The following MYO16 variants were observed in gnomAD, a reference collection of about 807,000 sequenced individuals.
The protein encoded by MYO16 is unconventional myosin-XVI.
Under a neutral mutation model 205.3 loss-of-function variants are expected in MYO16, and 94 were observed. The observed-to-expected ratio is 0.46, with a 90% CI of 0.39 to 0.54. The LOEUF (loss-of-function observed/expected upper bound fraction) is 0.54, where lower values mean the gene tolerates loss of function less well. Among genes scored for constraint, MYO16 ranks in the 20% least tolerant of loss-of-function variants. The pLI is 0.00. For missense variants in MYO16, 2,315 were observed against 2,387.5 expected, an observed-to-expected ratio of 0.97 and a Z score of 0.63; for synonymous variants, 988 against 954.0, an observed-to-expected ratio of 1.04 and a Z score of -0.66.
At chr13:108,818,287 G>T (rs1201177896) in intron 7 of MYO16, among the ~76,000 whole-genome samples, 1 of 151,890 alleles carries the variant, frequency 6.6e-6, no homozygotes, top group East Asian at 1.9e-4. Context: ...TGGAGGCTGA[G>T]ACATGAGAAT....
At chr13:108,737,038 CT>C (rs1271323332) in intron 4 of MYO16, among the ~76,000 whole-genome samples, 1 of 152,170 alleles carries the variant, frequency 6.6e-6, no homozygotes, top group African/African-American at 2.4e-5. Context: ...AGATTTTGGG[CT>C]GAGACAATGG....
At chr13:108,565,580 G>A in the MYO16 span, among the ~76,000 whole-genome samples, 6 of 151,980 alleles carry the variant, frequency 3.9e-5, no homozygotes, top group Admixed American at 3.3e-4. Flanking sequence ...TTTTTTGATG[G>A]AGTTCTTTAG....
chr13:109,061,078 T>A (rs1172750180), intron 27 of MYO16, among the ~76,000 whole-genome samples: 1 of 150,222 alleles, frequency 6.7e-6, no homozygotes, highest in Non-Finnish European at 1.5e-5. Context: ...TCAACCTCTG[T>A]TATCTTCCAG....
chr13:108,885,227 C>T lies in MYO16; in HGVS notation c.1553+2041C>T, dbSNP rs1229006049. On this transcript the variant is annotated intron_variant, in intron 13 of 34. Transcript: ENST00000457511. ...CTCTGCCTCCTGGGTTCAAGTGATT[C>T]TCCTGCTTCAGCCTCCTGAGTAGCT... is the stretch of plus-strand genomic sequence containing the variant. 2.6e-5 allele frequency among the ~76,000 whole-genome samples: 4 copies of T among 152,230 alleles called. No homozygotes were observed. The East Asian group carries it at 7.7e-4, about 29-fold the overall frequency.
chr13:108,797,269 G>C (rs1886822937), intron 6 of MYO16, among the ~76,000 whole-genome samples: 1 of 152,172 alleles, frequency 6.6e-6, no homozygotes, highest in South Asian at 2.1e-4. Context: ...TTGGATTTGT[G>C]GTTGGACATT....
At chr13:109,136,050 T>C (rs1274116713) in intron 31 of MYO16, among the ~76,000 whole-genome samples, 1 of 151,978 alleles carries the variant, frequency 6.6e-6, no homozygotes, top group Non-Finnish European at 1.5e-5. Flanking sequence ...TTCTTTTCTT[T>C]CTTTCTCCTT....
intron 27 of MYO16, among the ~76,000 whole-genome samples, chr13:109,077,946 G>T (rs1050105736): frequency 6.6e-6 from 1 of 152,018 alleles, no homozygotes; most frequent in African/African-American, 2.4e-5. Flanking sequence ...ATATCACAAT[G>T]CTCTGTTGAT....
the MYO16 span, among the ~76,000 whole-genome samples, chr13:108,578,288 TGTTATGTAAACTGCC>T: frequency 6.6e-6 from 1 of 152,202 alleles, no homozygotes; most frequent in Non-Finnish European, 1.5e-5. Context: ...ATACTAAAAA[TGTTATGTAAACTGCC>T]ATTTGAAGAG....
At chr13:109,000,190 C>G (rs1885166767) in intron 21 of MYO16, among the ~76,000 whole-genome samples, 1 of 152,198 alleles carries the variant, frequency 6.6e-6, no homozygotes, top group South Asian at 2.1e-4. Context: ...GGCTGTCCAG[C>G]TATAAAGCTC....
chr13:108,923,165 A>T (rs9587721), intron 16 of MYO16, among the ~76,000 whole-genome samples: 12,301 of 152,234 alleles, frequency 0.081, 698 homozygotes, highest in Middle Eastern at 0.25. Context: ...AGGGCCACTC[A>T]CAGGGAAGGA....
At chr13:108,630,851 C>T (rs1879949945) in intron 1 of MYO16, among the ~76,000 whole-genome samples, 1 of 152,120 alleles carries the variant, frequency 6.6e-6, no homozygotes, top group African/African-American at 2.4e-5. Context: ...TTACCTTTCT[C>T]TTATTTTTGG....
chr13:108,764,413 T>C (rs1458641545), intron 4 of MYO16, among the ~76,000 whole-genome samples: 1 of 152,150 alleles, frequency 6.6e-6, no homozygotes, highest in Non-Finnish European at 1.5e-5. Context: ...ATATAGAGTG[T>C]TCATATTAGA....
At chr13:108,680,451 T>C (rs1487825824) in intron 2 of MYO16, among the ~76,000 whole-genome samples, 1 of 152,234 alleles carries the variant, frequency 6.6e-6, no homozygotes, top group Non-Finnish European at 1.5e-5. Context: ...TGCCCACATA[T>C]CCAAGGTTAA....
intron 6 of MYO16, among the ~76,000 whole-genome samples, chr13:108,793,964 A>C (rs1333932826): frequency 6.6e-6 from 1 of 152,198 alleles, no homozygotes; most frequent in Non-Finnish European, 1.5e-5. Flanking sequence ...TAAAGAAAAC[A>C]TCATCCATAT....
At chr13:108,926,458 C>T (rs1355126042) in intron 16 of MYO16, among the ~76,000 whole-genome samples, 4 of 152,114 alleles carry the variant, frequency 2.6e-5, no homozygotes, top group Admixed American at 2.6e-4. Flanking sequence ...GAAACATCCC[C>T]AACATATAAC....
chr13:108,992,416 T>C lies in MYO16; in HGVS notation c.2410T>C (p.Phe804Leu). ...LDIGILDIFG[F>L]EEFQKNEFEQ... ...TATTGGAATATTGGACATTTTTGGT[T>C]TTGAAGAGTTTCAAAAGAATGAATT... The change falls in exon 21 of 35, where the codon TTT becomes CTT. Residue 804 changes from phenylalanine to leucine, a missense_variant. By Grantham distance (22) the Phe-to-Leu change is conservative (BLOSUM62 0). Transcript: ENST00000457511. 6.2e-7 allele frequency: 1 copy of C among 1,606,662 alleles called. No homozygotes were observed. The highest frequency in any genetic ancestry group is 8.5e-7 in the Non-Finnish European group (1 of 1,173,852).
chr13:109,013,112 CCA>C (rs1446547403), intron 22 of MYO16, among the ~76,000 whole-genome samples: 426 of 33,018 alleles, frequency 0.013, 3 homozygotes, highest in Non-Finnish European at 0.024. Flanking sequence ...TACCCCTCCC[CCA>C]CCCCCCCCCA....
At chr13:109,103,066 C>A (rs2139718931) in intron 28 of MYO16, among the ~76,000 whole-genome samples, 1 of 152,178 alleles carries the variant, frequency 6.6e-6, no homozygotes, top group East Asian at 1.9e-4. Context: ...TACTACCAGA[C>A]AAATAATCAA....
At chr13:108,946,587 C>T (rs1275202830) in intron 16 of MYO16, among the ~76,000 whole-genome samples, 1 of 152,060 alleles carries the variant, frequency 6.6e-6, no homozygotes, top group Non-Finnish European at 1.5e-5. Context: ...TATCTGTAAA[C>T]AAGTTCATGA....
Sources: gnomAD v4.1 joint callset for allele counts (sites outside exome capture counted in the v4.1 genomes callset) on GRCh38, gnomAD v4.1.1 for gene constraint, MANE v1.5 for transcripts, NCBI Gene and HGNC (gene_info 2026-07-23, HGNC 2026-07-21) for gene names.